The following MKI67 variants were observed in gnomAD, a reference collection of about 807,000 sequenced individuals.
MKI67 encodes the protein marker of proliferation Ki-67, also known as proliferation marker protein Ki-67.
MKI67 carries 152 observed loss-of-function variants against 233.5 expected under a neutral mutation model. The observed-to-expected ratio is 0.65, with a 90% CI of 0.57 to 0.74. MKI67 has a LOEUF of 0.74. Ranked by LOEUF, MKI67 falls within the 30% of genes least tolerant of loss-of-function variation. MKI67 has a pLI of 0.00. For missense variants in MKI67, 3,940 were observed against 3,885.2 expected (o/e 1.01, Z -0.37); for synonymous variants, 1,465 against 1,418.5 (o/e 1.03, Z -0.74).
Position 128,099,261 on chromosome 10 carries a change from T to G in MKI67, c.9706-6A>C. On this transcript the variant is annotated splice_polypyrimidine_tract_variant and splice_region_variant and intron_variant, in intron 14 of 14. Coordinates refer to ENST00000368654, the MANE Select transcript of MKI67 (RefSeq NM_002417.5). Reference sequence around the variant, plus strand: ...ACACACACATTGTCCTCAGCCTGTGTGGGAAGAAAAAAAATAGAACTCTTA... The same window carrying G: ...ACACACACATTGTCCTCAGCCTGTGGGGGAAGAAAAAAAATAGAACTCTTA... The G allele has an allele frequency of 6.2e-7, 1 of 1,609,002 alleles. No individual in the cohort carries two copies. Among genetic ancestry groups the G allele is most frequent in the Non-Finnish European group, 8.5e-7 (1 of 1,177,974 alleles).
Position 128,103,874 on chromosome 10 carries a change from GGTTT to G in MKI67, c.7962_7965del (p.Asn2655GlnfsTer2). On this transcript the variant is annotated frameshift_variant, in exon 13 of 15. Transcript: ENST00000368654. LOFTEE classifies it high-confidence loss of function. ...CTCCTGCTGGGTTCCTCTTCTACTG[GGTTT>G]GGTTTCTTCTTTGCACGTTGCTTCA... is the stretch of plus-strand genomic sequence containing the variant. 6.2e-7 allele frequency: 1 copy of G among 1,613,834 alleles called. No individual in the cohort carries two copies. Among genetic ancestry groups the G allele is most frequent in the Non-Finnish European group, 8.5e-7 (1 of 1,179,970 alleles).
chr10:128,106,515 C>T lies in MKI67; in HGVS notation c.5325G>A (p.Thr1775=), dbSNP rs150072338. The T allele has an allele frequency of 3.0e-5, 48 of 1,612,506 alleles. No homozygotes were observed. In the African/African-American group the frequency reaches 4.3e-4, roughly 14 times the overall value. Residue 1775 remains threonine (T), a synonymous_variant, in exon 13 of 15, where the codon ACG becomes ACA. Transcript: ENST00000368654. ...TGTGCATGGCTTTGCCTGCTGATGG[C>T]GTTTGTTTCCTAAATGCTAAAAATT... ...EEEFLAFRKQ[T]PSAGKAMHTP...
Position 128,113,417 on chromosome 10 carries a change from T to A in MKI67, c.1656+10A>T, listed in dbSNP as rs763862858. On this transcript the variant is annotated intron_variant, in intron 8 of 14. Transcript: ENST00000368654. Reference sequence around the variant, plus strand: ...CTGGGCGTGAATGGGATGCTGCTTGTTCAACTCACCTTGATGATTTTCTTC... The same window carrying A: ...CTGGGCGTGAATGGGATGCTGCTTGATCAACTCACCTTGATGATTTTCTTC... 5 of 1,614,030 alleles carry A rather than the reference T, an allele frequency of 3.1e-6. No homozygotes were observed. The highest frequency in any genetic ancestry group is 4.2e-6 in the Non-Finnish European group (5 of 1,179,898).
Position 128,103,881 on chromosome 10 carries a change from T to G in MKI67, c.7959A>C (p.Lys2653Asn). ...TGGGTTCCTCTTCTACTGGGTTTGG[T>G]TTCTTCTTTGCACGTTGCTTCAATA... ...IKVLKQRAKK[K>N]PNPVEEEPSR... Residue 2653 changes from lysine to asparagine, a missense_variant, in exon 13 of 15, where the codon AAA becomes AAC. Lys to Asn is a moderately conservative substitution (Grantham distance 94). Transcript: ENST00000368654. 1 of 1,613,900 alleles carries G rather than the reference T, an allele frequency of 6.2e-7. No individual in the cohort carries two copies. Among genetic ancestry groups the G allele is most frequent in the Non-Finnish European group, 8.5e-7 (1 of 1,179,982 alleles).
In MKI67 at chr10:128,122,988, T is replaced by A. The variant is rs1852983102; in HGVS notation, c.180A>T (p.Leu60Phe). ...KIEIHEQEAI[L>F]HNFSSTNPTQ... The stretch of plus-strand genomic sequence containing the variant: ...TTGGATTTGTGGAACTGAAATTATG[T>A]AATATTGCCTGCAAGTGAAAAGAAG... Residue 60 changes from leucine (L) to phenylalanine (F), a missense_variant, in exon 4 of 15, where the codon TTA (leucine) becomes TTT (phenylalanine). Transcript: ENST00000368654. 6.3e-7 allele frequency: 1 copy of A among 1,598,876 alleles called. No individual in the cohort carries two copies. Among genetic ancestry groups the A allele is most frequent in the Non-Finnish European group, 8.6e-7 (1 of 1,166,738 alleles).
chr10:128,109,517 T>G, intron 12 of MKI67, 94 bp from the exon 13 acceptor site: 1 of 1,365,064 alleles, frequency 7.3e-7, no homozygotes, highest in Non-Finnish European at 9.9e-7. Context: ...AAACTAAATA[T>G]TTAGCTTCGT....
chr10:128,101,523 T>C lies in MKI67; in HGVS notation c.9440A>G (p.Asp3147Gly), dbSNP rs1336460701. 1 of 1,614,216 alleles carries C rather than the reference T, an allele frequency of 6.2e-7. No individual in the cohort carries two copies. Among genetic ancestry groups the C allele is most frequent in the African/African-American group, 1.3e-5 (1 of 75,068 alleles). ...GCACCTTTTGTTCTCAGTGACTTTG[T>C]CTCTAGGTATGGGTTTCCGGGCTCC... ...DDGARKPIPR[D>G]KVTENKRCLR... Residue 3147 changes from aspartate to glycine, a missense_variant, in exon 14 of 15, where the codon GAC (aspartate) becomes GGC (glycine). By Grantham distance (94) the Asp-to-Gly change is moderately conservative. Transcript: ENST00000368654.
chr10:128,101,171 G>T, intron 14 of MKI67, 87 bp downstream of exon 14: 2 of 1,271,694 alleles, frequency 1.6e-6, no homozygotes, highest in Non-Finnish European at 2.2e-6. Context: ...TGAAGATAAT[G>T]CTTTTTGTTT....
chr10:128,115,737 G>A lies in MKI67; in HGVS notation c.671C>T (p.Thr224Ile), dbSNP rs374315037. The change falls in exon 7 of 15, where the codon ACA (threonine) becomes ATA (isoleucine). Residue 224 changes from threonine to isoleucine, a missense_variant. Coordinates refer to ENST00000368654, the MANE Select transcript of MKI67 (RefSeq NM_002417.5). ...TTTTTTGCTATTGTCAAGACATTGT[G>A]TAGTGGGAACAGACTTCAATTCTCC... The part of the protein sequence containing the change: ...RYGELKSVPT[T>I]QCLDNSKKNE... 2.7e-4 allele frequency: 439 copies of A among 1,613,660 alleles called. No individual in the cohort carries two copies. The highest frequency in any genetic ancestry group is 3.6e-4 in the Non-Finnish European group (428 of 1,180,010).
chr10:128,114,767 T>A (rs1381160015), intron 7 of MKI67, among the ~76,000 whole-genome samples, 161 bp downstream of exon 7: 4 of 152,236 alleles, frequency 2.6e-5, no homozygotes, highest in Non-Finnish European at 5.9e-5. Flanking sequence ...TCAGTATTCA[T>A]CTATTAGCGA....
chr10:128,105,721 T>A lies in MKI67; in HGVS notation c.6119A>T (p.Lys2040Ile). Residue 2040 changes from lysine to isoleucine, a missense_variant, in exon 13 of 15, where the codon AAA becomes ATA. Transcript: ENST00000368654. Reference sequence around the variant, plus strand: ...CTGCTTTGCAGATTCCTTAAACGCTTTGATGCTCTTTCCATCTCCTGCTGT... The same window carrying A: ...CTGCTTTGCAGATTCCTTAAACGCTATGATGCTCTTTCCATCTCCTGCTGT... The part of the protein sequence containing the change: ...RETAGDGKSI[K>I]AFKESAKQML... The A allele has an allele frequency of 6.2e-7, 1 of 1,614,132 alleles. No individual in the cohort carries two copies. Among genetic ancestry groups the A allele is most frequent in the South Asian group, 1.1e-5 (1 of 91,084 alleles).
intron 14 of MKI67, 124 bp downstream of exon 14, chr10:128,101,134 T>C (rs1852324383): frequency 4.7e-6 from 4 of 859,936 alleles, no homozygotes; most frequent in South Asian, 1.8e-5. Context: ...CTTCCATTAA[T>C]GTAACTGGGA....
At chr10:128,123,415 C>T (rs749447645) in intron 2 of MKI67, among the ~76,000 whole-genome samples, 5 of 152,290 alleles carry the variant, frequency 3.3e-5, no homozygotes, top group Non-Finnish European at 7.4e-5. Flanking sequence ...CACTAGAACA[C>T]AAATCGAATT....
Position 128,106,997 on chromosome 10 carries a change from A to T in MKI67, c.4843T>A (p.Cys1615Ser). 1.2e-6 allele frequency: 2 copies of T among 1,613,584 alleles called. No homozygotes were observed. The highest frequency in any genetic ancestry group is 1.7e-6 in the Non-Finnish European group (2 of 1,179,960). Residue 1615 changes from cysteine (C) to serine (S), a missense_variant, in exon 13 of 15, where the codon TGC (cysteine) becomes AGC (serine). Physicochemically the swap from Cys to Ser is moderately radical, Grantham distance 112. Coordinates refer to ENST00000368654, the MANE Select transcript of MKI67 (RefSeq NM_002417.5). ...TCTGGGTCTGGTTGTGAAGATTTGCAGGCTACTTTGGCAGTTTTATCGTTA... is the reference window on the plus strand; with the variant it reads ...TCTGGGTCTGGTTGTGAAGATTTGCTGGCTACTTTGGCAGTTTTATCGTTA... ...MTNDKTAKVA[C>S]KSSQPDPDKN...
intron 7 of MKI67, among the ~76,000 whole-genome samples, chr10:128,114,452 G>A (rs1176004539): frequency 6.6e-6 from 1 of 152,182 alleles, no homozygotes; most frequent in Non-Finnish European, 1.5e-5. Context: ...ACAGTCCAGT[G>A]TTTACAGCAA....
intron 4 of MKI67, among the ~76,000 whole-genome samples, chr10:128,120,728 C>G (rs1432366816): frequency 2.0e-5 from 3 of 151,924 alleles, no homozygotes; most frequent in Admixed American, 6.6e-5. Flanking sequence ...AATACGTTGT[C>G]TACAAGAGAC....
intron 5 of MKI67, 38 bp from the exon 6 acceptor site, chr10:128,116,574 C>T: frequency 3.8e-6 from 6 of 1,573,086 alleles, no homozygotes; most frequent in Non-Finnish European, 5.3e-6. Context: ...ATTTGCAGGT[C>T]TTTCTAAATG....
rs756680804 is a variant in MKI67 at position 128,108,242 on chromosome 10, G to C, written c.3598C>G (p.Leu1200Val). Residue 1200 changes from leucine (L) to valine (V), a missense_variant, in exon 13 of 15, where the codon CTG becomes GTG. Leu to Val is a conservative substitution (Grantham distance 32). Transcript: ENST00000368654. ...TTGCTGCCAGGTAAAGTTCCTGCCA[G>C]GTCCAGTTTCTGCACTGGAGTTCCC... ...FMGTPVQKLD[L>V]AGTLPGSKRQ... 6 of 1,613,516 alleles carry C rather than the reference G, an allele frequency of 3.7e-6. No homozygotes were observed. In the Admixed American group the frequency reaches 1.0e-4, roughly 27 times the overall value.
chr10:128,104,153 T>A lies in MKI67; in HGVS notation c.7687A>T (p.Lys2563Ter). 1 of 1,614,124 alleles carries A rather than the reference T, an allele frequency of 6.2e-7. No homozygotes were observed. The highest frequency in any genetic ancestry group is 8.5e-7 in the Non-Finnish European group (1 of 1,180,024). ...ARALEDLVDF[K>*]ELFSAPGHTE... ...TGACCTGGTGCTGAGAAGAGCTCTT[T>A]GAAGTCAACCAGGTCTTCTAGAGCA... The change falls in exon 13 of 15, where the codon AAA becomes TAA. Residue 2563 changes from lysine (K) to a stop codon, truncating the protein, a stop_gained. Transcript: ENST00000368654. LOFTEE classifies it high-confidence loss of function.
Sources: allele counts gnomAD v4.1 joint callset (sites outside exome capture counted in the v4.1 genomes callset), GRCh38; gene constraint gnomAD v4.1.1; transcripts MANE v1.5; gene names NCBI Gene and HGNC (gene_info 2026-07-23, HGNC 2026-07-21).